Variants in ADCY2 observed in about 807,000 individuals in gnomAD.
The protein encoded by ADCY2 is adenylate cyclase 2.
Under a neutral mutation model 125.2 loss-of-function variants are expected in ADCY2, and 31 were observed. That is an observed-to-expected ratio of 0.25 (90% CI 0.19 to 0.33). ADCY2 has a LOEUF of 0.33. Ranked by LOEUF, ADCY2 falls within the 10% of genes least tolerant of loss-of-function variation. The probability of loss-of-function intolerance (pLI) is 1.00; values close to 1 mark genes in which losing one functional copy is unlikely to be tolerated. For synonymous variants in ADCY2, 512 were observed against 548.4 expected, an observed-to-expected ratio of 0.93 and a Z score of 0.93; for missense variants, 904 against 1,418.2, an observed-to-expected ratio of 0.64 and a Z score of 5.82.
chr5:7,797,175 T>C (rs1003777033), intron 20 of ADCY2: 17 of 152,310 alleles, frequency 1.1e-4, no homozygotes, highest in African/African-American at 4.1e-4. Context: ...TAGACGCTTC[T>C]GTGCTTTCTA....
intron 2 of ADCY2, among the ~76,000 whole-genome samples, chr5:7,481,372 T>C (rs1269870622): frequency 6.6e-6 from 1 of 152,110 alleles, no homozygotes; most frequent in Non-Finnish European, 1.5e-5. Context: ...GTTCACGCCA[T>C]TCTCTCGCCT....
At chr5:7,781,837 G>A (rs550428592) in intron 18 of ADCY2, among the ~76,000 whole-genome samples, 28 of 152,178 alleles carry the variant, frequency 1.8e-4, no homozygotes, top group Non-Finnish European at 3.7e-4. Flanking sequence ...CCTTTCTCAT[G>A]GACACACAAA....
At chr5:7,463,618 T>TAAA (rs33927169) in intron 2 of ADCY2, among the ~76,000 whole-genome samples, 14 of 102,520 alleles carry the variant, frequency 1.4e-4, no homozygotes, top group African/African-American at 2.3e-4. Flanking sequence ...AGGTGATAGA[T>TAAA]AAAAAAAAAA....
chr5:7,528,623 A>G (rs1734548704), intron 3 of ADCY2, among the ~76,000 whole-genome samples: 1 of 152,218 alleles, frequency 6.6e-6, no homozygotes, highest in African/African-American at 2.4e-5. Context: ...TCTTGATTCC[A>G]TCATCTGTAC....
intron 3 of ADCY2, among the ~76,000 whole-genome samples, chr5:7,533,702 A>G (rs996316108): frequency 6.6e-6 from 1 of 152,196 alleles, no homozygotes; most frequent in African/African-American, 2.4e-5. Context: ...TTTGACATAA[A>G]GAAACCTGTA....
chr5:7,466,971 T>G (rs1742143186), intron 2 of ADCY2, among the ~76,000 whole-genome samples: 1 of 152,184 alleles, frequency 6.6e-6, no homozygotes, highest in Non-Finnish European at 1.5e-5. Flanking sequence ...TCCTTCATGA[T>G]GCTGGGCAGT....
At chr5:7,652,812 C>T (rs1579279960) in intron 4 of ADCY2, among the ~76,000 whole-genome samples, 1 of 152,184 alleles carries the variant, frequency 6.6e-6, no homozygotes, top group Admixed American at 6.5e-5. Flanking sequence ...TTGCCTTCTA[C>T]AAAGAGACCC....
chr5:7,779,581 C>G (rs111751349), intron 18 of ADCY2, among the ~76,000 whole-genome samples: 22,684 of 151,964 alleles, frequency 0.15, 2,470 homozygotes, highest in East Asian at 0.62. Flanking sequence ...CCAACCCCCC[C>G]CCCAACACAC....
intron 2 of ADCY2, among the ~76,000 whole-genome samples, chr5:7,499,664 T>C (rs957924289): frequency 1.7e-5 from 2 of 120,022 alleles, no homozygotes; most frequent in African/African-American, 2.7e-5. Context: ...TATATATATA[T>C]ATATATATAT....
chr5:7,698,204 C>T, intron 6 of ADCY2, 43 bp from the exon 7 acceptor site: 2 of 1,610,680 alleles, frequency 1.2e-6, no homozygotes, highest in Non-Finnish European at 1.7e-6. Flanking sequence ...GATCATTCTG[C>T]AAGTGCTTAA....
chr5:7,428,436 T>G (rs915431332), intron 2 of ADCY2, among the ~76,000 whole-genome samples: 1 of 152,220 alleles, frequency 6.6e-6, no homozygotes, highest in Non-Finnish European at 1.5e-5. Context: ...GATATATGAT[T>G]TATAACCATT....
At chr5:7,567,931 C>T (rs1306060624) in intron 3 of ADCY2, among the ~76,000 whole-genome samples, 2 of 3,566 alleles carry the variant, frequency 5.6e-4, no homozygotes, top group Non-Finnish European at 0.023. Context: ...TCCTCTCTTT[C>T]TCTCTCTCTC....
intron 3 of ADCY2, among the ~76,000 whole-genome samples, chr5:7,576,268 G>A (rs1198233327): frequency 2.6e-5 from 4 of 152,184 alleles, no homozygotes; most frequent in African/African-American, 2.4e-5. Context: ...CTTCAGCCTC[G>A]GTTTATGACT....
intron 2 of ADCY2, among the ~76,000 whole-genome samples, chr5:7,487,592 T>C (rs1055827198): frequency 2.6e-5 from 4 of 152,190 alleles, no homozygotes; most frequent in Admixed American, 6.5e-5. Context: ...ATGAGCCATG[T>C]TGGATCTTCT....
intron 2 of ADCY2, among the ~76,000 whole-genome samples, chr5:7,464,116 A>G (rs1209957934): frequency 6.6e-6 from 1 of 152,146 alleles, no homozygotes; most frequent in Non-Finnish European, 1.5e-5. Context: ...TTACTTCCCA[A>G]ATATATCCTG....
chr5:7,636,127 T>C (rs1301479675), intron 4 of ADCY2, among the ~76,000 whole-genome samples: 2 of 152,096 alleles, frequency 1.3e-5, no homozygotes, highest in African/African-American at 2.4e-5. Flanking sequence ...GGACAGAAGT[T>C]AGGATGGGGT....
At chr5:7,470,718 A>G (rs1377039790) in intron 2 of ADCY2, among the ~76,000 whole-genome samples, 5 of 151,038 alleles carry the variant, frequency 3.3e-5, no homozygotes, top group African/African-American at 9.7e-5. Context: ...TATTCCTTCT[A>G]TTGGTAATTA....
intron 2 of ADCY2, among the ~76,000 whole-genome samples, chr5:7,445,807 G>T (rs918697686): frequency 6.6e-6 from 1 of 152,014 alleles, no homozygotes; most frequent in Non-Finnish European, 1.5e-5. Flanking sequence ...TTTAAATTGG[G>T]TTTATTGATT....
intron 3 of ADCY2, among the ~76,000 whole-genome samples, chr5:7,597,071 G>T (rs1282543531): frequency 1.3e-5 from 2 of 152,190 alleles, no homozygotes; most frequent in Non-Finnish European, 2.9e-5. Context: ...CAGGTATCCA[G>T]GGAGCAAAAT....
Sources: allele counts gnomAD v4.1 joint callset (sites outside exome capture counted in the v4.1 genomes callset), GRCh38; gene constraint gnomAD v4.1.1; transcripts MANE v1.5; gene names NCBI Gene and HGNC (gene_info 2026-07-23, HGNC 2026-07-21).